Variants in PCCA observed in about 807,000 individuals in gnomAD.
PCCA encodes the protein propionyl-CoA carboxylase alpha chain, mitochondrial.
A neutral mutation model predicts 101.3 loss-of-function variants in PCCA; 74 were observed. That is an observed-to-expected ratio of 0.73 (90% confidence interval 0.61 to 0.89). The LOEUF (loss-of-function observed/expected upper bound fraction) is 0.89, where lower values mean the gene tolerates loss of function less well. PCCA is among the 40% of genes least tolerant of loss of function. PCCA has a pLI of 0.00. For synonymous variants in PCCA, 294 were observed against 313.6 expected (o/e 0.94, Z 0.66); for missense variants, 891 against 907.0 (o/e 0.98, Z 0.23).
chr13:100,256,270 G>A (rs760440985), intron 8 of PCCA, among the ~76,000 whole-genome samples: 2 of 152,146 alleles, frequency 1.3e-5, no homozygotes, highest in Non-Finnish European at 1.5e-5. Flanking sequence ...CTCCCAAAGT[G>A]CTGGGATTAC....
Position 100,377,655 on chromosome 13 carries a change from C to T in PCCA, c.1746+9081C>T, listed in dbSNP as rs140098382. 1.3e-3 allele frequency among the ~76,000 whole-genome samples: 197 copies of T among 151,972 alleles called. 1 individual carries two copies. Among genetic ancestry groups the T allele is most frequent in the East Asian group, 3.7e-3 (19 of 5,152 alleles). ...GACTACAGGCGCCTGCCACCACGCC[C>T]GGCTAATTTTTTATATTTTTAGTAG... is the stretch of plus-strand genomic sequence containing the variant. On this transcript the variant is annotated intron_variant, in intron 19 of 23. Transcript: ENST00000376285.
Position 100,185,792 on chromosome 13 carries a change from C to T in PCCA, c.469-23540C>T, listed in dbSNP as rs577581840. The stretch of plus-strand genomic sequence containing the variant: ...CCGCTCAAGTAGCTGGGATTACAGG[C>T]ATGTGCCACCCCGCCTGACTAATTT... On this transcript the variant is annotated intron_variant, in intron 6 of 23. Coordinates refer to ENST00000376285, the MANE Select transcript of PCCA (RefSeq NM_000282.4). Among the ~76,000 whole-genome samples the T allele has an allele frequency of 6.6e-5, 10 of 152,198 alleles. No homozygotes were observed. In the South Asian group the frequency reaches 2.1e-3, roughly 32 times the overall value.
chr13:100,468,196 G>A (rs965060578), intron 21 of PCCA, among the ~76,000 whole-genome samples: 1 of 152,202 alleles, frequency 6.6e-6, no homozygotes, highest in African/African-American at 2.4e-5. Flanking sequence ...GCCCTAAACA[G>A]ATGTGCTGTC....
chr13:100,447,768 A>G (rs983017303), intron 20 of PCCA, among the ~76,000 whole-genome samples: 6 of 152,060 alleles, frequency 3.9e-5, no homozygotes, highest in Admixed American at 1.3e-4. Flanking sequence ...TGCTATCTAG[A>G]TTACCATTGT....
At position 100,134,009 on chromosome 13, in the gene PCCA, C is replaced by T. The variant is rs535970074; in HGVS notation, c.301-20970C>T. On this transcript the variant is annotated intron_variant, in intron 4 of 23. Transcript: ENST00000376285. ...AGCCACAGACTGAAGGCTGTACTGT[C>T]GGCTTTCCTACTTTTGAGGTTTTGG... Among the ~76,000 whole-genome samples the T allele has an allele frequency of 1.5e-3, 229 of 152,292 alleles. 2 individuals are homozygous for T. Among genetic ancestry groups the T allele is most frequent in the Middle Eastern group, 0.014 (4 of 294 alleles).
chr13:100,480,431 C>T (rs1353012632), intron 21 of PCCA: 4 of 152,126 alleles, frequency 2.6e-5, no homozygotes, highest in Non-Finnish European at 4.4e-5. Context: ...TTGTGTGACC[C>T]TTGTAATTAA....
At chr13:100,418,116 T>C (rs1221371606) in intron 19 of PCCA, among the ~76,000 whole-genome samples, 1 of 152,202 alleles carries the variant, frequency 6.6e-6, no homozygotes, top group African/African-American at 2.4e-5. Context: ...TTTTACATCC[T>C]TTATCCAATC....
intron 16 of PCCA, among the ~76,000 whole-genome samples, chr13:100,324,489 GA>G (rs2068423602): frequency 6.6e-6 from 1 of 151,888 alleles, no homozygotes; most frequent in African/African-American, 2.4e-5. Flanking sequence ...AAGTACCAAA[GA>G]AAGAAAAAGG....
intron 6 of PCCA, among the ~76,000 whole-genome samples, chr13:100,185,688 C>T (rs777618242): frequency 3.3e-5 from 5 of 150,814 alleles, no homozygotes; most frequent in Non-Finnish European, 7.4e-5. Flanking sequence ...GCTCTTGTTG[C>T]CCACGCTGGA....
rs368140817 is a variant in PCCA, at chr13:100,275,913, C to A, written c.1065+2567C>A. On this transcript the variant is annotated intron_variant, in intron 12 of 23. Transcript: ENST00000376285. The stretch of plus-strand genomic sequence containing the variant: ...ACTTGGGTACAATTATCCCCCGAGG[C>A]CATTTCTCTTATTATTTTAGTCATC... 9.7e-4 allele frequency among the ~76,000 whole-genome samples: 148 copies of A among 152,190 alleles called. 4 individuals are homozygous for A. In the South Asian group the frequency reaches 0.028, roughly 29 times the overall value.
chr13:100,337,445 G>A (rs939620244), intron 17 of PCCA, among the ~76,000 whole-genome samples: 2 of 152,178 alleles, frequency 1.3e-5, no homozygotes, highest in Admixed American at 6.5e-5. Flanking sequence ...GTATCAGGCC[G>A]CAGGGGAACT....
At chr13:100,416,944 A>G (rs1414556552) in intron 19 of PCCA, among the ~76,000 whole-genome samples, 1 of 152,080 alleles carries the variant, frequency 6.6e-6, no homozygotes, top group Non-Finnish European at 1.5e-5. Flanking sequence ...CCCAGGTTCA[A>G]GCAATTCTCC....
At chr13:100,105,597 G>A (rs1274272711) in intron 2 of PCCA, among the ~76,000 whole-genome samples, 2 of 149,458 alleles carry the variant, frequency 1.3e-5, no homozygotes, top group African/African-American at 2.5e-5. Flanking sequence ...GGGAGTTTGA[G>A]GCCAGTGGAT....
chr13:100,397,017 T>C (rs911674728), intron 19 of PCCA, among the ~76,000 whole-genome samples: 16 of 152,166 alleles, frequency 1.1e-4, no homozygotes, highest in Non-Finnish European at 2.1e-4. Flanking sequence ...TCCTGCCCTG[T>C]GGGAGGTTTG....
rs144687112 is a variant in PCCA at position 100,471,235 on chromosome 13, C to A, written c.1899+21930C>A. Among the ~76,000 whole-genome samples, 98 of 152,290 alleles carry A rather than the reference C, an allele frequency of 6.4e-4. 1 individual carries two copies. In the East Asian group the frequency reaches 0.013, roughly 20 times the overall value. ...TGGCCAGATAGTGGAGCAGTCAGAA[C>A]ACACACAACGTTTATTATAGTTTAC... On this transcript the variant is annotated intron_variant, in intron 21 of 23. Coordinates refer to ENST00000376285, the MANE Select transcript of PCCA (RefSeq NM_000282.4).
chr13:100,462,685 C>G (rs936415663), intron 21 of PCCA, among the ~76,000 whole-genome samples: 3 of 152,164 alleles, frequency 2.0e-5, no homozygotes, highest in African/African-American at 7.2e-5. Flanking sequence ...TCTTATTAGA[C>G]ATTACTTTTT....
intron 19 of PCCA, among the ~76,000 whole-genome samples, chr13:100,424,517 A>G (rs1413975872): frequency 1.3e-5 from 2 of 152,138 alleles, no homozygotes; most frequent in South Asian, 2.1e-4. Flanking sequence ...CTGCCACGCC[A>G]TATTCAGAAT....
intron 6 of PCCA, among the ~76,000 whole-genome samples, chr13:100,171,814 C>T (rs539677990): frequency 2.3e-4 from 35 of 152,064 alleles, no homozygotes; most frequent in South Asian, 4.2e-4. Context: ...GGACAGATCA[C>T]GAGGTCAGGA....
chr13:100,368,490 A>G lies in PCCA; in HGVS notation c.1662A>G (p.Pro554=). The G allele has an allele frequency of 6.2e-7, 1 of 1,600,528 alleles. No individual in the cohort carries two copies. Among genetic ancestry groups the G allele is most frequent in the Non-Finnish European group, 8.6e-7 (1 of 1,168,132 alleles). The change falls in exon 19 of 24, where the codon CCA becomes CCG. Residue 554 remains proline (P), a synonymous_variant. Coordinates refer to ENST00000376285, the MANE Select transcript of PCCA (RefSeq NM_000282.4). ...ACTTCAGAATGCCTGTTATTAAACC[A>G]GACATAGCCAACTGGGAGCTCTCAG... ...QENSRMPVIK[P]DIANWELSVK...
Sources: allele counts gnomAD v4.1 joint callset (sites outside exome capture counted in the v4.1 genomes callset), GRCh38; gene constraint gnomAD v4.1.1; transcripts MANE v1.5; gene names NCBI Gene and HGNC (gene_info 2026-07-23, HGNC 2026-07-21).